The following HDAC4 variants were observed in gnomAD, a reference collection of about 807,000 sequenced individuals.
HDAC4 encodes the protein histone deacetylase A.
HDAC4 carries 16 observed loss-of-function variants against 135.1 expected under a neutral mutation model. The ratio of observed to expected loss-of-function variants is 0.12; its 90% CI spans 0.08 to 0.18. HDAC4 has a LOEUF of 0.18. Among genes scored for constraint, HDAC4 ranks in the 10% least tolerant of loss-of-function variants. The pLI is 1.00. For synonymous variants in HDAC4, 685 were observed against 653.4 expected (o/e 1.05, Z -0.74); for missense variants, 1,143 against 1,511.8 (o/e 0.76, Z 4.05).
intron 7 of HDAC4, among the ~76,000 whole-genome samples, chr2:239,147,992 C>T (rs1014871854): frequency 3.3e-5 from 5 of 152,182 alleles, no homozygotes; most frequent in African/African-American, 9.7e-5. Context: ...TCTTAGGGGC[C>T]GGGTTTACAG....
intron 1 of HDAC4, among the ~76,000 whole-genome samples, chr2:239,385,635 A>C (rs1695743885): frequency 1.3e-5 from 2 of 152,202 alleles, no homozygotes; most frequent in South Asian, 4.1e-4. Flanking sequence ...GTGATAAGGA[A>C]CACGCACACG....
chr2:239,192,727 G>A (rs980995321), intron 3 of HDAC4, among the ~76,000 whole-genome samples: 7 of 152,194 alleles, frequency 4.6e-5, no homozygotes, highest in Non-Finnish European at 8.8e-5. Flanking sequence ...CCTGGGACCA[G>A]TGCCCTGCAG....
chr2:239,113,548 C>G (rs1225439144), intron 13 of HDAC4, among the ~76,000 whole-genome samples: 1 of 152,372 alleles, frequency 6.6e-6, no homozygotes, highest in East Asian at 1.9e-4. Flanking sequence ...CCAGAGAGAA[C>G]AGAAAATAAG....
At chr2:239,110,997 CG>C (rs1186071743) in intron 14 of HDAC4, among the ~76,000 whole-genome samples, 1 of 152,214 alleles carries the variant, frequency 6.6e-6, no homozygotes, top group African/African-American at 2.4e-5. Context: ...ATCGCCTCCC[CG>C]GGGTGAGGAT....
chr2:239,323,443 A>G (rs1269561059), intron 2 of HDAC4, among the ~76,000 whole-genome samples: 1 of 152,208 alleles, frequency 6.6e-6, no homozygotes, highest in Non-Finnish European at 1.5e-5. Flanking sequence ...CTACATCTTA[A>G]CTTTTGAAAC....
chr2:239,389,144 A>C (rs1696027537), intron 1 of HDAC4, among the ~76,000 whole-genome samples: 1 of 152,154 alleles, frequency 6.6e-6, no homozygotes, highest in African/African-American at 2.4e-5. Context: ...GTGTCTAGCT[A>C]AAGGATTGTA....
intron 1 of HDAC4, among the ~76,000 whole-genome samples, chr2:239,389,182 G>T (rs1696029613): frequency 6.6e-6 from 1 of 152,192 alleles, no homozygotes; most frequent in Non-Finnish European, 1.5e-5. Flanking sequence ...TCTGTAAAAT[G>T]GACCAATCAG....
At position 239,247,122 on chromosome 2, in the gene HDAC4, C is replaced by T. The variant is rs116116724; in HGVS notation, c.23-10458G>A. Among the ~76,000 whole-genome samples, 957 of 152,368 alleles carry T rather than the reference C, an allele frequency of 6.3e-3. 15 individuals are homozygous for T. Among genetic ancestry groups the T allele is most frequent in the African/African-American group, 0.021 (893 of 41,582 alleles). On this transcript the variant is annotated intron_variant, in intron 2 of 26. Transcript: ENST00000543185. ...TGCAGCTATCGGCAATGGCTGGAGA[C>T]TAGCTCTGCGGTCTGCTCGTGGATA... is the stretch of plus-strand genomic sequence containing the variant.
At chr2:239,229,215 A>G (rs1048199199) in intron 3 of HDAC4, among the ~76,000 whole-genome samples, 1 of 152,252 alleles carries the variant, frequency 6.6e-6, no homozygotes, top group African/African-American at 2.4e-5. Context: ...CTAATTGCCA[A>G]AAGTGACTCT....
chr2:239,110,308 G>A (rs1049288609), intron 14 of HDAC4, among the ~76,000 whole-genome samples: 1 of 152,208 alleles, frequency 6.6e-6, no homozygotes, highest in African/African-American at 2.4e-5. Context: ...AAGTAATCAA[G>A]ACAAACTAAG....
At chr2:239,366,735 T>C (rs1405721659) in intron 1 of HDAC4, among the ~76,000 whole-genome samples, 1 of 152,128 alleles carries the variant, frequency 6.6e-6, no homozygotes. Flanking sequence ...TCAACTGCCA[T>C]GAACACCCCG....
intron 22 of HDAC4, among the ~76,000 whole-genome samples, chr2:239,069,826 C>T (rs1396363121): frequency 1.3e-5 from 2 of 152,176 alleles, no homozygotes; most frequent in African/African-American, 4.8e-5. Flanking sequence ...GCAAGCCCCA[C>T]TGCACTTGCT....
rs1027115384 is a variant in HDAC4 at position 239,167,869 on chromosome 2, CA to C, written c.491-3947del. ...AAAAGAGGCCAAGTTCTTCCCATAC[CA>C]GGGGGCAGAGAGTGCACCCGAGACC... On this transcript the variant is annotated intron_variant, in intron 5 of 26. Transcript: ENST00000543185. The surrounding 1 kb of genome is among the most constrained non-coding windows in gnomAD (Gnocchi z 4.1). Among the ~76,000 whole-genome samples the C allele has an allele frequency of 4.0e-5, 6 of 148,564 alleles. No homozygotes were observed. Among genetic ancestry groups the C allele is most frequent in the African/African-American group, 1.5e-4 (6 of 40,462 alleles).
intron 9 of HDAC4, among the ~76,000 whole-genome samples, chr2:239,136,955 G>T (rs1371113941): frequency 3.3e-5 from 5 of 152,072 alleles, no homozygotes; most frequent in African/African-American, 1.2e-4. Context: ...GGCTACTGAG[G>T]AAAACATTTT....
chr2:239,384,929 A>C (rs1442586790), intron 1 of HDAC4, among the ~76,000 whole-genome samples: 1 of 152,048 alleles, frequency 6.6e-6, no homozygotes, highest in African/African-American at 2.4e-5. Context: ...TCCTCTCTGC[A>C]CCCCACCGGG....
At chr2:239,267,030 C>T (rs938993081) in intron 2 of HDAC4, among the ~76,000 whole-genome samples, 11 of 152,336 alleles carry the variant, frequency 7.2e-5, no homozygotes, top group African/African-American at 2.6e-4. Context: ...ACAGCTGGTG[C>T]TCACAGCTGT....
intron 3 of HDAC4, among the ~76,000 whole-genome samples, chr2:239,225,619 G>A (rs182487185): frequency 7.5e-4 from 115 of 152,362 alleles, no homozygotes; most frequent in African/African-American, 2.5e-3. Flanking sequence ...CGGCAGGGGA[G>A]GGCAGGCCCG....
At chr2:239,127,599 G>C (rs2040283466) in intron 11 of HDAC4, among the ~76,000 whole-genome samples, 1 of 152,206 alleles carries the variant, frequency 6.6e-6, no homozygotes, top group South Asian at 2.1e-4. Flanking sequence ...AAACAATGCT[G>C]CTCAGGATAA....
chr2:239,096,463 C>T lies in HDAC4; in HGVS notation c.2234-1407G>A, dbSNP rs776248835. Among the ~76,000 whole-genome samples, 248 of 138,166 alleles carry T rather than the reference C, an allele frequency of 1.8e-3. 1 individual carries two copies. Among genetic ancestry groups the T allele is most frequent in the Middle Eastern group, 3.8e-3 (1 of 260 alleles). 90.6% of individuals were successfully genotyped at this position (138,166 alleles called of 152,430 possible). A position where few individuals can be genotyped will look rare whatever the true frequency, so the allele number is the denominator to read the frequency against. On this transcript the variant is annotated intron_variant, in intron 16 of 26. Transcript: ENST00000543185. ...CCCATCACCCCACCACGGATGACTGCACCCTCCCCATGGATGCCCGCCCCC... is the reference window on the plus strand; with the variant it reads ...CCCATCACCCCACCACGGATGACTGTACCCTCCCCATGGATGCCCGCCCCC...
Sources: gnomAD v4.1 joint callset for allele counts (sites outside exome capture counted in the v4.1 genomes callset) on GRCh38, gnomAD v4.1.1 for gene constraint, Gnocchi (gnomAD v3.1) non-coding constraint, MANE v1.5 for transcripts, NCBI Gene and HGNC (gene_info 2026-07-23, HGNC 2026-07-21) for gene names.